Variants in ARMC2 observed in about 807,000 individuals in gnomAD.
ARMC2 encodes armadillo repeat containing 2, also known as armadillo repeat-containing protein 2.
Under a neutral mutation model 90.3 loss-of-function variants are expected in ARMC2, and 67 were observed. The ratio of observed to expected loss-of-function variants is 0.74; its 90% CI spans 0.61 to 0.91. ARMC2 has a LOEUF of 0.91. Among genes scored for constraint, ARMC2 ranks in the 40% least tolerant of loss-of-function variants. The pLI, the probability that ARMC2 is intolerant of heterozygous loss-of-function variation, is 0.00. For synonymous variants in ARMC2, 393 were observed against 393.0 expected (o/e 1.00, Z 0.00); for missense variants, 920 against 1,030.9 (o/e 0.89, Z 1.47).
the ARMC2 span, among the ~76,000 whole-genome samples, chr6:109,026,600 G>A: frequency 9.9e-5 from 15 of 152,198 alleles, no homozygotes; most frequent in South Asian, 3.1e-3. Context: ...CCCAGTTTCG[G>A]TTCAAGCGAT....
the ARMC2 span, among the ~76,000 whole-genome samples, chr6:109,039,596 C>A: frequency 2.0e-5 from 3 of 152,214 alleles, no homozygotes; most frequent in African/African-American, 7.2e-5. Context: ...TAAAACATCT[C>A]AAGTGGAGGG....
chr6:108,878,342 G>A (rs1185881769), intron 5 of ARMC2, among the ~76,000 whole-genome samples: 1 of 152,170 alleles, frequency 6.6e-6, no homozygotes, highest in East Asian at 1.9e-4. Context: ...GCTGGCAGGA[G>A]CAGGGAGGGT....
At chr6:108,986,385 A>G in the ARMC2 span, 1 of 152,412 alleles carries the variant, frequency 6.6e-6, no homozygotes, top group Non-Finnish European at 1.5e-5. Context: ...TAGAAACTCA[A>G]AATTATTACT....
intron 5 of ARMC2, among the ~76,000 whole-genome samples, chr6:108,890,214 A>ACAAACAAACAAAC (rs1162939913): frequency 8.5e-6 from 1 of 117,362 alleles, no homozygotes; most frequent in African/African-American, 3.0e-5. Flanking sequence ...AAAAAAAAAA[A>ACAAACAAACAAAC]AAAAAAAAAA....
chr6:108,963,545 T>G (rs1214202706), intron 15 of ARMC2, among the ~76,000 whole-genome samples: 1 of 152,164 alleles, frequency 6.6e-6, no homozygotes, highest in Non-Finnish European at 1.5e-5. Flanking sequence ...GGAGGCAGAA[T>G]GCACACTTTA....
At chr6:108,902,705 A>C (rs1364533038) in intron 7 of ARMC2, among the ~76,000 whole-genome samples, 1 of 152,144 alleles carries the variant, frequency 6.6e-6, no homozygotes, top group African/African-American at 2.4e-5. Context: ...GCAGGCACAC[A>C]CTTCCTCTAT....
Position 108,962,067 on chromosome 6 carries a change from C to T in ARMC2, c.2092C>T (p.Arg698Cys), listed in dbSNP as rs779864015. The T allele has an allele frequency of 2.5e-6, 4 of 1,613,260 alleles. No individual in the cohort carries two copies. The highest frequency in any genetic ancestry group is 1.3e-5 in the African/African-American group (1 of 74,968). Residue 698 changes from arginine to cysteine, a missense_variant, in exon 15 of 18, where the codon CGT (arginine) becomes TGT (cysteine). Arg to Cys is a radical substitution (Grantham distance 180). Coordinates refer to ENST00000392644, the MANE Select transcript of ARMC2 (RefSeq NM_032131.6). ...CATGGATGGAATCCTGGAGGCTGTGCGTGTTTTCGGAAATCTCTCCCAGGA... is the reference window on the plus strand; with the variant it reads ...CATGGATGGAATCCTGGAGGCTGTGTGTGTTTTCGGAAATCTCTCCCAGGA... The part of the protein sequence containing the change: ...NNMDGILEAV[R>C]VFGNLSQDHD...
chr6:108,854,612 A>G (rs749001907), intron 2 of ARMC2, 127 bp downstream of exon 2: 46 of 889,900 alleles, frequency 5.2e-5, no homozygotes, highest in Non-Finnish European at 7.1e-5. Flanking sequence ...AGTTCACAGC[A>G]AAATTGAGTG....
At chr6:108,945,052 T>C (rs2806356) in intron 12 of ARMC2, among the ~76,000 whole-genome samples, 23,390 of 152,140 alleles carry the variant, frequency 0.15, 2,268 homozygotes, top group East Asian at 0.29. Context: ...AGGTAAAATA[T>C]CTATTAAAAA....
chr6:108,917,558 G>A (rs1406925556), intron 10 of ARMC2, among the ~76,000 whole-genome samples: 1 of 152,164 alleles, frequency 6.6e-6, no homozygotes, highest in Non-Finnish European at 1.5e-5. Context: ...AAATTAGAGA[G>A]TTACAGAAAG....
intron 17 of ARMC2, among the ~76,000 whole-genome samples, chr6:108,971,393 G>A (rs186057028): frequency 2.0e-5 from 3 of 152,258 alleles, no homozygotes; most frequent in South Asian, 2.1e-4. Context: ...GCTCCTTGCC[G>A]AAGTGTTTGT....
In ARMC2 at chr6:108,910,883, GTTTC is replaced by G. The variant is rs1366239725; in HGVS notation, c.1024-10_1024-7del. On this transcript the variant is annotated splice_polypyrimidine_tract_variant and intron_variant, in intron 8 of 17. Transcript: ENST00000392644. The stretch of plus-strand genomic sequence containing the variant: ...TTATTTCCTTCTGCAATAGAGATGT[GTTTC>G]TTTCTCTGCAGCTTAAAGTGAGTAG... The G allele has an allele frequency of 3.7e-6, 5 of 1,356,186 alleles. No individual in the cohort carries two copies. The South Asian group carries it at 4.3e-5, about 12-fold the overall frequency. The allele number at this position is 1,356,186 out of a possible 1,614,324, so 84.0% of individuals were successfully genotyped here.
the ARMC2 span, among the ~76,000 whole-genome samples, chr6:109,049,758 T>G: frequency 6.6e-6 from 1 of 150,730 alleles, no homozygotes; most frequent in Non-Finnish European, 1.5e-5. Context: ...TTGAAATCAT[T>G]ACATATATAT....
the ARMC2 span, among the ~76,000 whole-genome samples, chr6:108,982,023 T>C: frequency 6.6e-6 from 1 of 152,146 alleles, no homozygotes; most frequent in Non-Finnish European, 1.5e-5. Context: ...ATACCACATT[T>C]TGTTTATCCA....
the ARMC2 span, among the ~76,000 whole-genome samples, chr6:109,011,492 CAA>C: frequency 6.6e-6 from 1 of 152,138 alleles, no homozygotes; most frequent in Non-Finnish European, 1.5e-5. Context: ...CTAAATTCCT[CAA>C]AGAGTACTAA....
At chr6:109,014,659 A>C in the ARMC2 span, among the ~76,000 whole-genome samples, 109 of 152,228 alleles carry the variant, frequency 7.2e-4, no homozygotes, top group African/African-American at 2.5e-3. Context: ...TTTTTAAGAA[A>C]TCATGGAATG....
the ARMC2 span, chr6:108,992,706 C>T: frequency 1.9e-4 from 167 of 884,382 alleles, no homozygotes; most frequent in Non-Finnish European, 3.1e-4. Flanking sequence ...GCATAGTTCT[C>T]AAATCTAAGT....
chr6:109,026,783 G>A, the ARMC2 span, among the ~76,000 whole-genome samples: 4 of 152,140 alleles, frequency 2.6e-5, no homozygotes, highest in Non-Finnish European at 5.9e-5. Flanking sequence ...GATTGCAGGC[G>A]TGAGCCACTG....
At chr6:108,870,509 AAG>A (rs201709860) in intron 4 of ARMC2, among the ~76,000 whole-genome samples, 2 of 151,214 alleles carry the variant, frequency 1.3e-5, no homozygotes, top group Non-Finnish European at 1.5e-5. Context: ...GAGAGAGAGA[AAG>A]AGAGAGACAG....
Sources: gnomAD v4.1 joint callset for allele counts (sites outside exome capture counted in the v4.1 genomes callset) on GRCh38, gnomAD v4.1.1 for gene constraint, MANE v1.5 for transcripts, NCBI Gene and HGNC (gene_info 2026-07-23, HGNC 2026-07-21) for gene names.